TTC7B: variants seen among roughly 807,000 people sequenced by gnomAD.
The protein encoded by TTC7B is tetratricopeptide repeat domain 7B.
Under a neutral mutation model 106.8 loss-of-function variants are expected in TTC7B, and 28 were observed. The observed-to-expected ratio is 0.26, with a 90% CI of 0.19 to 0.36. The LOEUF (loss-of-function observed/expected upper bound fraction) is 0.36, where lower values mean the gene tolerates loss of function less well. Ranked by LOEUF, TTC7B falls within the 10% of genes least tolerant of loss-of-function variation. TTC7B has a pLI of 1.00. For missense variants in TTC7B, 862 were observed against 1,076.4 expected (o/e 0.80, Z 2.79); for synonymous variants, 405 against 430.6 (o/e 0.94, Z 0.74).
chr14:90,652,480 GTT>G lies in TTC7B; in HGVS notation c.1517+359_1517+360del, dbSNP rs35126260. On this transcript the variant is annotated intron_variant, in intron 13 of 19. Coordinates refer to ENST00000328459, the MANE Select transcript of TTC7B (RefSeq NM_001010854.2). ...TATACAAAAACCTGCAGTTTGACAT[GTT>G]TTTTTTAAAAAAAAAAAAAAGCTAG... 7.7e-3 allele frequency among the ~76,000 whole-genome samples: 847 copies of G among 110,280 alleles called. 10 individuals carry two copies. Among genetic ancestry groups the G allele is most frequent in the African/African-American group, 0.026 (770 of 29,446 alleles). The allele number at this position is 110,280 out of a possible 152,430, so 72.3% of individuals were successfully genotyped here. A position where few individuals can be genotyped will look rare whatever the true frequency, so the allele number is the denominator to read the frequency against.
At chr14:90,769,795 T>C (rs1299504847) in intron 3 of TTC7B, among the ~76,000 whole-genome samples, 2 of 152,002 alleles carry the variant, frequency 1.3e-5, no homozygotes, top group Non-Finnish European at 2.9e-5. Flanking sequence ...AAGATATTCA[T>C]GCAAATAGTA....
chr14:90,816,399 C>A lies in TTC7B; in HGVS notation c.-104G>T. The A allele has an allele frequency of 1.6e-6, 1 of 610,580 alleles. No homozygotes were observed. Among genetic ancestry groups the A allele is most frequent in the South Asian group, 6.9e-5 (1 of 14,412 alleles). 37.8% of individuals were successfully genotyped at this position (610,580 alleles called of 1,614,324 possible). ...GCCGCCGCGGGCTCGGGCTCCGGCT[C>A]CCGGCTCCGCGGCGTAACGGGAGCG... On this transcript the variant is annotated 5_prime_UTR_variant, in exon 1 of 20. Transcript: ENST00000328459.
At chr14:90,719,401 C>G (rs1888795341) in intron 5 of TTC7B, among the ~76,000 whole-genome samples, 1 of 152,206 alleles carries the variant, frequency 6.6e-6, no homozygotes, top group South Asian at 2.1e-4. Context: ...AAAATGGCCC[C>G]TGATTGATAA....
chr14:90,656,025 G>A (rs776708208), intron 11 of TTC7B, among the ~76,000 whole-genome samples: 14 of 152,116 alleles, frequency 9.2e-5, no homozygotes, highest in African/African-American at 2.7e-4. Flanking sequence ...TCCTGGAACC[G>A]CCTGCACCAT....
intron 10 of TTC7B, 122 bp downstream of exon 10, chr14:90,658,182 G>A (rs548190768): frequency 1.1e-5 from 9 of 848,236 alleles, no homozygotes; most frequent in African/African-American, 1.0e-4. Context: ...GACCACGATA[G>A]TTTCTCAGAG....
At chr14:90,599,428 G>A (rs1298758434) in intron 17 of TTC7B, among the ~76,000 whole-genome samples, 1 of 152,134 alleles carries the variant, frequency 6.6e-6, no homozygotes, top group African/African-American at 2.4e-5. Flanking sequence ...TCCAGTGCCA[G>A]GAACGACGGA....
rs1366433991 is a variant in TTC7B at position 90,744,888 on chromosome 14, A to G, written c.480T>C (p.Ser160=). The change falls in exon 4 of 20, where the codon TCT becomes TCC. Residue 160 remains serine (S), a synonymous_variant. Coordinates refer to ENST00000328459, the MANE Select transcript of TTC7B (RefSeq NM_001010854.2). ...LCLEKLPISS[S]TSNLHVDREQ... The stretch of plus-strand genomic sequence containing the variant: ...CCCGGTCCACATGGAGATTACTGGT[A>G]GAAGAAGAAATAGGCAGCTTCTCCA... The G allele has an allele frequency of 2.5e-6, 4 of 1,613,990 alleles. No homozygotes were observed. In the African/African-American group the frequency reaches 4.0e-5, roughly 16 times the overall value.
chr14:90,568,571 G>A (rs1890891142), intron 19 of TTC7B, among the ~76,000 whole-genome samples: 1 of 152,202 alleles, frequency 6.6e-6, no homozygotes, highest in Admixed American at 6.5e-5. Flanking sequence ...TTGCATTTCA[G>A]AGCCTGCCCT....
intron 17 of TTC7B, among the ~76,000 whole-genome samples, chr14:90,602,467 G>A (rs951945666): frequency 2.0e-5 from 3 of 152,190 alleles, no homozygotes; most frequent in East Asian, 3.9e-4. Context: ...TTTGGGAGGC[G>A]AGGTGGGAGG....
chr14:90,586,737 C>T (rs998644985), intron 18 of TTC7B, among the ~76,000 whole-genome samples: 33 of 152,156 alleles, frequency 2.2e-4, no homozygotes, highest in African/African-American at 7.0e-4. Flanking sequence ...AAATGTAGAC[C>T]GGAACATCCA....
At chr14:90,574,904 T>C (rs1317586377) in intron 19 of TTC7B, among the ~76,000 whole-genome samples, 3 of 152,226 alleles carry the variant, frequency 2.0e-5, no homozygotes, top group Non-Finnish European at 2.9e-5. Flanking sequence ...AGTTGGCTCC[T>C]TCCCTTGGAG....
chr14:90,603,517 A>G (rs1191900244), intron 17 of TTC7B, among the ~76,000 whole-genome samples: 2 of 152,130 alleles, frequency 1.3e-5, no homozygotes, highest in African/African-American at 4.8e-5. Flanking sequence ...TCCCCTATCC[A>G]TTGAAATGTT....
At chr14:90,666,859 G>C (rs959006016) in intron 9 of TTC7B, among the ~76,000 whole-genome samples, 2 of 152,194 alleles carry the variant, frequency 1.3e-5, no homozygotes, top group Non-Finnish European at 2.9e-5. Flanking sequence ...GAATTTGAAT[G>C]CTGGATGCGG....
At chr14:90,680,449 A>G (rs752875644) in intron 8 of TTC7B, 23 bp downstream of exon 8, 1 of 1,600,532 alleles carries the variant, frequency 6.2e-7, no homozygotes, top group Non-Finnish European at 8.6e-7. Context: ...GGAAAGAACG[A>G]TGTAAAAACA....
Position 90,566,299 on chromosome 14 carries a change from G to A in TTC7B, c.2310+11807C>T, listed in dbSNP as rs576837265. Among the ~76,000 whole-genome samples the A allele has an allele frequency of 5.9e-5, 9 of 151,550 alleles. 1 individual carries two copies. The highest frequency in any genetic ancestry group is 1.7e-4 in the African/African-American group (7 of 41,294). ...GCGGAGGTTGCAGTGAGCCAAGATC[G>A]CACCACTGTACTCCAGCATGGGGAA... On this transcript the variant is annotated intron_variant, in intron 19 of 19. Transcript: ENST00000328459.
chr14:90,538,537 G>A lies in TTC7B; in HGVS notation c.*2831C>T, dbSNP rs1032352210. The A allele has an allele frequency of 6.6e-6, 1 of 152,416 alleles. No individual in the cohort carries two copies. The highest frequency in any genetic ancestry group is 6.5e-5 in the Admixed American group (1 of 15,292). The allele number at this position is 152,416 out of a possible 1,614,324, so 9.4% of individuals were successfully genotyped here. On this transcript the variant is annotated 3_prime_UTR_variant, in exon 20 of 20. Transcript: ENST00000328459. ...CTCAATCCTCCCTTCTAAGAGGACT[G>A]TGCAGACATTGGACTGTGTGGGGCT...
At chr14:90,685,580 A>C (rs1466090588) in intron 7 of TTC7B, among the ~76,000 whole-genome samples, 1 of 152,248 alleles carries the variant, frequency 6.6e-6, no homozygotes, top group Non-Finnish European at 1.5e-5. Context: ...AAGATCAACA[A>C]AATTGACAAA....
intron 5 of TTC7B, among the ~76,000 whole-genome samples, chr14:90,728,203 G>A (rs1889184214): frequency 6.6e-6 from 1 of 151,978 alleles, no homozygotes; most frequent in Non-Finnish European, 1.5e-5. Flanking sequence ...ACCTTTGAGA[G>A]TACCTGGCCC....
At chr14:90,694,718 A>ATATATTTTATTTTATTATAAAG (rs1887622512) in intron 6 of TTC7B, among the ~76,000 whole-genome samples, 2 of 137,032 alleles carry the variant, frequency 1.5e-5, no homozygotes, top group Non-Finnish European at 1.6e-5. Flanking sequence ...TTATTATAAA[A>ATATATTTTATTTTATTATAAAG]TAGGTATATT....
Sources: gnomAD v4.1 joint callset for allele counts (sites outside exome capture counted in the v4.1 genomes callset) on GRCh38, gnomAD v4.1.1 for gene constraint, MANE v1.5 for transcripts, NCBI Gene and HGNC (gene_info 2026-07-23, HGNC 2026-07-21) for gene names.